ATRNL1: variants seen among roughly 807,000 people sequenced by gnomAD.
ATRNL1 encodes the protein attractin like 1.
Under a neutral mutation model 182.7 loss-of-function variants are expected in ATRNL1, and 95 were observed. The observed-to-expected ratio is 0.52, with a 90% CI of 0.44 to 0.62. ATRNL1 has a LOEUF of 0.62. Ranked by LOEUF, ATRNL1 falls within the 20% of genes least tolerant of loss-of-function variation. ATRNL1 has a pLI of 0.00. For synonymous variants in ATRNL1, 576 were observed against 568.3 expected (o/e 1.01, Z -0.19); for missense variants, 1,471 against 1,679.5 (o/e 0.88, Z 2.17).
At chr10:115,427,240 T>G (rs576727198) in intron 21 of ATRNL1, among the ~76,000 whole-genome samples, 1 of 152,332 alleles carries the variant, frequency 6.6e-6, no homozygotes, top group African/African-American at 2.4e-5. Context: ...TCAGCATCTT[T>G]TCATAGGATT....
chr10:115,787,942 C>A (rs1547948), intron 27 of ATRNL1, among the ~76,000 whole-genome samples: 79,980 of 152,034 alleles, frequency 0.53, 21,578 homozygotes, highest in East Asian at 0.77. Flanking sequence ...AGATTTGAGC[C>A]GTTTAAACAC....
intron 19 of ATRNL1, among the ~76,000 whole-genome samples, chr10:115,380,916 G>A (rs1554950883): frequency 6.6e-6 from 1 of 152,126 alleles, no homozygotes; most frequent in African/African-American, 2.4e-5. Flanking sequence ...AAGTAGATTT[G>A]CTGGGTTATA....
chr10:115,511,005 A>G (rs1471307785), intron 24 of ATRNL1, among the ~76,000 whole-genome samples: 3 of 152,018 alleles, frequency 2.0e-5, no homozygotes, highest in Non-Finnish European at 4.4e-5. Context: ...AAGAACTTAA[A>G]CTATTTAATG....
intron 26 of ATRNL1, among the ~76,000 whole-genome samples, chr10:115,724,581 G>A (rs1474478669): frequency 2.0e-5 from 3 of 152,144 alleles, no homozygotes; most frequent in African/African-American, 7.2e-5. Flanking sequence ...GAGAAAGAAT[G>A]AGTGAAAGGT....
At chr10:115,103,688 C>A (rs573401086) in intron 1 of ATRNL1, among the ~76,000 whole-genome samples, 1 of 152,170 alleles carries the variant, frequency 6.6e-6, no homozygotes, top group Non-Finnish European at 1.5e-5. Flanking sequence ...CCATTTCCCC[C>A]ACTCCAATAC....
intron 3 of ATRNL1, among the ~76,000 whole-genome samples, chr10:115,122,909 A>T (rs1252138957): frequency 6.6e-6 from 1 of 152,126 alleles, no homozygotes; most frequent in African/African-American, 2.4e-5. Context: ...GTAACAATTA[A>T]ATTTGATCCT....
chr10:115,861,539 C>T (rs1394746826), intron 28 of ATRNL1, among the ~76,000 whole-genome samples: 1 of 152,110 alleles, frequency 6.6e-6, no homozygotes, highest in Non-Finnish European at 1.5e-5. Flanking sequence ...ATAAACCACC[C>T]TAATCTCTGG....
intron 27 of ATRNL1, among the ~76,000 whole-genome samples, chr10:115,828,232 A>G (rs1324875108): frequency 6.6e-6 from 1 of 152,020 alleles, no homozygotes; most frequent in East Asian, 1.9e-4. Flanking sequence ...CAGGAGAATC[A>G]CTTGAACCTG....
At chr10:115,820,924 G>A (rs2960668) in intron 27 of ATRNL1, among the ~76,000 whole-genome samples, 118,336 of 152,066 alleles carry the variant, frequency 0.78, 46,211 homozygotes, top group African/African-American at 0.84. Flanking sequence ...TGATGGGATC[G>A]TGGGGATGGT....
At chr10:115,221,737 A>G (rs1849474190) in intron 9 of ATRNL1, among the ~76,000 whole-genome samples, 1 of 152,206 alleles carries the variant, frequency 6.6e-6, no homozygotes, top group African/African-American at 2.4e-5. Flanking sequence ...GCCTTGGTAC[A>G]TACTTAAGGA....
intron 13 of ATRNL1, among the ~76,000 whole-genome samples, chr10:115,279,946 G>C (rs782385661): frequency 7.2e-5 from 11 of 152,140 alleles, no homozygotes; most frequent in Non-Finnish European, 1.3e-4. Flanking sequence ...TCCTTGCCTT[G>C]TGTGTTAGGG....
intron 8 of ATRNL1, among the ~76,000 whole-genome samples, chr10:115,203,650 G>T (rs1319665573): frequency 2.0e-5 from 3 of 148,798 alleles, no homozygotes; most frequent in African/African-American, 7.5e-5. Flanking sequence ...CACGCTCTTG[G>T]CTCACTGCAA....
chr10:115,577,617 T>TGTGTGTGTGC (rs1317672865), intron 26 of ATRNL1, among the ~76,000 whole-genome samples: 3 of 76,102 alleles, frequency 3.9e-5, no homozygotes, highest in Admixed American at 1.9e-4. Context: ...AGGTTGTGTG[T>TGTGTGTGTGC]GTGTGTGTGT....
chr10:115,524,498 A>T (rs1851111237), intron 25 of ATRNL1, among the ~76,000 whole-genome samples: 1 of 152,206 alleles, frequency 6.6e-6, no homozygotes, highest in South Asian at 2.1e-4. Context: ...AATTAAATGG[A>T]AATTTGGTAG....
At chr10:115,819,357 T>C (rs1452499860) in intron 27 of ATRNL1, among the ~76,000 whole-genome samples, 2 of 152,168 alleles carry the variant, frequency 1.3e-5, no homozygotes, top group Non-Finnish European at 2.9e-5. Context: ...TTACTATCTA[T>C]CTAGAATATT....
chr10:115,454,783 A>AT (rs1847443331), intron 21 of ATRNL1, among the ~76,000 whole-genome samples: 1 of 151,878 alleles, frequency 6.6e-6, no homozygotes. Context: ...GTTCTAACAG[A>AT]TTTTTGTGTT....
chr10:115,529,332 T>A (rs1399784186), intron 25 of ATRNL1, among the ~76,000 whole-genome samples: 1 of 151,972 alleles, frequency 6.6e-6, no homozygotes, highest in African/African-American at 2.4e-5. Context: ...TTTTTGCATA[T>A]CTTTTAAAAT....
In ATRNL1 at chr10:115,945,890, AG is replaced by A. The variant is rs1343625839; in HGVS notation, c.*1112del. On this transcript the variant is annotated 3_prime_UTR_variant, in exon 29 of 29. Coordinates refer to ENST00000355044, the MANE Select transcript of ATRNL1 (RefSeq NM_207303.4). ...CGAGCGCATCCATGTCCTGAGAAAA[AG>A]TCTGTGGTTTAGAAAATATGTCCAT... 1 of 152,178 alleles carries A rather than the reference AG, an allele frequency of 6.6e-6. No individual in the cohort carries two copies. Among genetic ancestry groups the A allele is most frequent in the African/African-American group, 2.4e-5 (1 of 41,444 alleles). The allele number at this position is 152,178 out of a possible 1,614,324, so 9.4% of individuals were successfully genotyped here.
chr10:115,580,519 C>T (rs1855005362), intron 26 of ATRNL1, among the ~76,000 whole-genome samples: 2 of 152,032 alleles, frequency 1.3e-5, no homozygotes, highest in African/African-American at 2.4e-5. Context: ...TCAAAATTCT[C>T]TCGGTCTTTA....
Sources: gnomAD v4.1 joint callset for allele counts (sites outside exome capture counted in the v4.1 genomes callset) on GRCh38, gnomAD v4.1.1 for gene constraint, MANE v1.5 for transcripts, NCBI Gene and HGNC (gene_info 2026-07-23, HGNC 2026-07-21) for gene names.